Variants in ZNF385D observed in about 807,000 individuals in gnomAD.
The protein encoded by ZNF385D is zinc finger protein 385D.
A neutral mutation model predicts 35.8 loss-of-function variants in ZNF385D; 15 were observed. The ratio of observed to expected loss-of-function variants is 0.42; its 90% CI spans 0.28 to 0.64. ZNF385D has a LOEUF of 0.64. Ranked by LOEUF, ZNF385D falls within the 30% of genes least tolerant of loss-of-function variation. The pLI, the probability that ZNF385D is intolerant of heterozygous loss-of-function variation, is 0.23. For missense variants in ZNF385D, 474 were observed against 494.6 expected, an observed-to-expected ratio of 0.96 and a Z score of 0.39; for synonymous variants, 212 against 186.8, an observed-to-expected ratio of 1.13 and a Z score of -1.10.
At chr3:21,874,531 T>C (rs13088023) in intron 3 of ZNF385D, among the ~76,000 whole-genome samples, 2,789 of 152,256 alleles carry the variant, frequency 0.018, 43 homozygotes, top group South Asian at 0.061. Context: ...ATCATATGTA[T>C]GTGGGCTTTC....
chr3:21,475,309 T>C (rs1355128915), intron 4 of ZNF385D, among the ~76,000 whole-genome samples: 2 of 152,076 alleles, frequency 1.3e-5, no homozygotes, highest in Non-Finnish European at 2.9e-5. Context: ...TCTATAACTA[T>C]TTGTCTGAAG....
chr3:21,666,816 G>A (rs937529800), intron 1 of ZNF385D, among the ~76,000 whole-genome samples: 5 of 152,102 alleles, frequency 3.3e-5, no homozygotes, highest in African/African-American at 7.2e-5. Context: ...GGTGGCTCAC[G>A]CCTGTAATCC....
chr3:21,498,789 A>G (rs1278537530), intron 4 of ZNF385D, among the ~76,000 whole-genome samples: 3 of 151,906 alleles, frequency 2.0e-5, no homozygotes, highest in African/African-American at 7.3e-5. Flanking sequence ...TAAAAATACA[A>G]AAAATTAGCT....
chr3:22,151,919 A>G (rs1705264908), intron 3 of ZNF385D, among the ~76,000 whole-genome samples: 1 of 152,114 alleles, frequency 6.6e-6, no homozygotes, highest in African/African-American at 2.4e-5. Flanking sequence ...TGGGCAACAT[A>G]GGAGTTTCTT....
chr3:22,125,966 A>T (rs1396388818), intron 3 of ZNF385D, among the ~76,000 whole-genome samples: 1 of 152,088 alleles, frequency 6.6e-6, no homozygotes, highest in Non-Finnish European at 1.5e-5. Flanking sequence ...AACAGTGGTG[A>T]CAGTGGGCAT....
intron 2 of ZNF385D, among the ~76,000 whole-genome samples, chr3:21,644,249 T>C (rs1240149997): frequency 6.6e-6 from 1 of 152,154 alleles, no homozygotes; most frequent in Non-Finnish European, 1.5e-5. Context: ...AAAATAAATG[T>C]GAGCTATATA....
intron 3 of ZNF385D, among the ~76,000 whole-genome samples, chr3:21,833,977 A>T (rs1231967411): frequency 2.0e-5 from 3 of 152,180 alleles, no homozygotes; most frequent in African/African-American, 7.2e-5. Context: ...CTTTAATTGA[A>T]AATGTTAAAA....
chr3:21,830,605 T>C (rs1204913129), intron 3 of ZNF385D, among the ~76,000 whole-genome samples: 1 of 152,148 alleles, frequency 6.6e-6, no homozygotes, highest in African/African-American at 2.4e-5. Context: ...TTCCTTCCCT[T>C]CCCTTGTCTG....
chr3:22,233,913 T>C (rs1210195922), intron 2 of ZNF385D, among the ~76,000 whole-genome samples: 1 of 152,118 alleles, frequency 6.6e-6, no homozygotes, highest in Non-Finnish European at 1.5e-5. Flanking sequence ...AAAGTTTTAA[T>C]CATTCTTTCC....
chr3:22,212,213 G>A (rs1164398080), intron 2 of ZNF385D, among the ~76,000 whole-genome samples: 1 of 152,020 alleles, frequency 6.6e-6, no homozygotes, highest in Admixed American at 6.6e-5. Flanking sequence ...GTGGAAGAAG[G>A]AGGTGACCAT....
At chr3:21,463,102 G>A (rs1293092495) in intron 4 of ZNF385D, among the ~76,000 whole-genome samples, 1 of 152,106 alleles carries the variant, frequency 6.6e-6, no homozygotes, top group Non-Finnish European at 1.5e-5. Context: ...TTTAAAGTAG[G>A]TTAAGGTAAA....
At chr3:22,277,770 G>A (rs913543012) in intron 2 of ZNF385D, among the ~76,000 whole-genome samples, 7 of 151,986 alleles carry the variant, frequency 4.6e-5, no homozygotes, top group African/African-American at 9.7e-5. Flanking sequence ...CTCAGGTTAC[G>A]GCTCTCTGAA....
In ZNF385D at chr3:21,959,791, T is replaced by C. The variant is rs532009360; in HGVS notation, c.325+209026A>G. ...TCACTCCAAGGCAAAATAGAGAATC[T>C]GACCTAGAAAGAGAAAATCTGCAAA... On this transcript the variant is annotated intron_variant, in intron 3 of 5. Transcript: ENST00000494108. Among the ~76,000 whole-genome samples the C allele has an allele frequency of 3.9e-5, 6 of 152,284 alleles. No homozygotes were observed. In the South Asian group the frequency reaches 1.0e-3, roughly 26 times the overall value.
chr3:21,805,784 G>A (rs140048978), intron 3 of ZNF385D, among the ~76,000 whole-genome samples: 41 of 152,240 alleles, frequency 2.7e-4, no homozygotes, highest in East Asian at 3.9e-4. Flanking sequence ...GCAGTGAAAC[G>A]GTCATAATGC....
chr3:22,260,018 G>A (rs971722620), intron 2 of ZNF385D, among the ~76,000 whole-genome samples: 10 of 151,906 alleles, frequency 6.6e-5, no homozygotes, highest in African/African-American at 1.2e-4. Context: ...CTGAATGTGT[G>A]AGCAAAATAT....
In ZNF385D at chr3:22,350,966, TTAAGA is replaced by T. The variant is rs1362935468; in HGVS notation, c.106+21479_106+21483del. Reference sequence around the variant, plus strand: ...TCTCAGTAAGGCTGCACAACTTACCTTAAGATATCATAATTAGGACATGTTAGAAG... The same window carrying T: ...TCTCAGTAAGGCTGCACAACTTACCTTATCATAATTAGGACATGTTAGAAG... On this transcript the variant is annotated intron_variant, in intron 2 of 5. Transcript: ENST00000494108. Among the ~76,000 whole-genome samples the T allele has an allele frequency of 9.2e-5, 14 of 152,192 alleles. No homozygotes were observed. The East Asian group carries it at 2.7e-3, about 29-fold the overall frequency.
chr3:22,135,694 T>C (rs1294881458), intron 3 of ZNF385D, among the ~76,000 whole-genome samples: 1 of 152,106 alleles, frequency 6.6e-6, no homozygotes, highest in African/African-American at 2.4e-5. Flanking sequence ...GAAAAAAGAA[T>C]AAAATTTAAG....
intron 2 of ZNF385D, among the ~76,000 whole-genome samples, chr3:22,224,181 T>G (rs957758379): frequency 3.9e-5 from 6 of 152,128 alleles, no homozygotes; most frequent in African/African-American, 1.4e-4. Flanking sequence ...AAAATATAAG[T>G]ATAAATGAAT....
At chr3:22,040,818 G>A (rs189680241) in intron 3 of ZNF385D, among the ~76,000 whole-genome samples, 157 of 152,210 alleles carry the variant, frequency 1.0e-3, no homozygotes, top group African/African-American at 3.5e-3. Flanking sequence ...TAGAGTAAAT[G>A]GAATGAAATA....
Sources: gnomAD v4.1 joint callset for allele counts (sites outside exome capture counted in the v4.1 genomes callset) on GRCh38, gnomAD v4.1.1 for gene constraint, MANE v1.5 for transcripts, NCBI Gene and HGNC (gene_info 2026-07-23, HGNC 2026-07-21) for gene names.